Variants in ADARB2 observed in about 807,000 individuals in gnomAD.
ADARB2 encodes adenosine deaminase RNA specific B2 (inactive).
Under a neutral mutation model 62.2 loss-of-function variants are expected in ADARB2, and 25 were observed. That is an observed-to-expected ratio of 0.40 (90% confidence interval 0.29 to 0.56). The LOEUF (loss-of-function observed/expected upper bound fraction) is 0.56. Among genes scored for constraint, ADARB2 ranks in the 20% least tolerant of loss-of-function variants. ADARB2 has a pLI of 0.43. For synonymous variants in ADARB2, 572 were observed against 500.8 expected (o/e 1.14, Z -1.90); for missense variants, 1,071 against 1,077.4 (o/e 0.99, Z 0.08).
At chr10:1,258,402 T>C (rs1435780271) in intron 4 of ADARB2, among the ~76,000 whole-genome samples, 4 of 152,118 alleles carry the variant, frequency 2.6e-5, no homozygotes, top group Non-Finnish European at 4.4e-5. Flanking sequence ...GTGTGCTGTA[T>C]TCAGGAAACC....
At chr10:1,568,252 G>A (rs75920236) in intron 1 of ADARB2, among the ~76,000 whole-genome samples, 1,694 of 152,258 alleles carry the variant, frequency 0.011, 46 homozygotes, top group African/African-American at 0.038. Context: ...GTCCTATATT[G>A]GTCTAGATGG....
At chr10:1,416,157 G>T (rs1832799402) in intron 1 of ADARB2, among the ~76,000 whole-genome samples, 1 of 152,202 alleles carries the variant, frequency 6.6e-6, no homozygotes, top group Non-Finnish European at 1.5e-5. Flanking sequence ...AGATGGACTG[G>T]TCTGTGAATC....
At chr10:1,518,056 A>G (rs780321542) in intron 1 of ADARB2, among the ~76,000 whole-genome samples, 1 of 152,216 alleles carries the variant, frequency 6.6e-6, no homozygotes, top group Non-Finnish European at 1.5e-5. Flanking sequence ...GAATTTAAGC[A>G]TAGAAAGACA....
intron 7 of ADARB2, among the ~76,000 whole-genome samples, chr10:1,208,252 G>A (rs564587599): frequency 1.2e-4 from 19 of 152,346 alleles, no homozygotes; most frequent in Admixed American, 1.1e-3. Flanking sequence ...AGCCTCCTAG[G>A]GCTGCTGTGG....
chr10:1,407,031 G>A (rs974555265), intron 1 of ADARB2, among the ~76,000 whole-genome samples: 1 of 152,224 alleles, frequency 6.6e-6, no homozygotes, highest in African/African-American at 2.4e-5. Context: ...TGGCTGTGCG[G>A]CTGCATAAAG....
chr10:1,595,306 T>C (rs1287372748), intron 1 of ADARB2, among the ~76,000 whole-genome samples: 1 of 152,170 alleles, frequency 6.6e-6, no homozygotes, highest in Non-Finnish European at 1.5e-5. Flanking sequence ...AATTCCTGTG[T>C]TGAGAAGAGA....
chr10:1,216,881 A>G, intron 7 of ADARB2, 70 bp downstream of exon 7: 1 of 1,559,632 alleles, frequency 6.4e-7, no homozygotes, highest in Non-Finnish European at 8.6e-7. Flanking sequence ...AGTGGGATGC[A>G]GGGAGCCTGG....
At chr10:1,396,098 G>A (rs769593325) in intron 1 of ADARB2, among the ~76,000 whole-genome samples, 6 of 152,216 alleles carry the variant, frequency 3.9e-5, no homozygotes, top group Admixed American at 2.0e-4. Context: ...AGCAATGATC[G>A]CGTAAGTAAT....
chr10:1,509,470 T>C (rs554229335), intron 1 of ADARB2, among the ~76,000 whole-genome samples: 1 of 152,304 alleles, frequency 6.6e-6, no homozygotes, highest in South Asian at 2.1e-4. Context: ...ATATTGGAAA[T>C]GATATTCACC....
intron 1 of ADARB2, among the ~76,000 whole-genome samples, chr10:1,464,378 G>GCA (rs1831220870): frequency 1.4e-5 from 2 of 142,486 alleles, no homozygotes; most frequent in Admixed American, 7.2e-5. Context: ...CGGGCAGCGT[G>GCA]CTGGAGAAGA....
chr10:1,328,124 G>A (rs367801187), intron 3 of ADARB2, among the ~76,000 whole-genome samples: 1 of 152,290 alleles, frequency 6.6e-6, no homozygotes, highest in Non-Finnish European at 1.5e-5. Flanking sequence ...CTCAGCAGGC[G>A]TGGAGAGGCA....
intron 3 of ADARB2, among the ~76,000 whole-genome samples, chr10:1,321,409 G>C (rs977484769): frequency 9.2e-5 from 14 of 152,044 alleles, no homozygotes; most frequent in Non-Finnish European, 1.8e-4. Context: ...TAGAGACAGG[G>C]TCTTCCTGTC....
intron 6 of ADARB2, among the ~76,000 whole-genome samples, chr10:1,227,812 C>T (rs1435747249): frequency 6.6e-6 from 1 of 152,208 alleles, no homozygotes; most frequent in Non-Finnish European, 1.5e-5. Flanking sequence ...GATTTTCAAA[C>T]TGTCTTCAAA....
At chr10:1,382,745 T>C (rs1485009671) in intron 1 of ADARB2, among the ~76,000 whole-genome samples, 1 of 146,494 alleles carries the variant, frequency 6.8e-6, no homozygotes, top group Non-Finnish European at 1.5e-5. Context: ...ACCTTCGGAG[T>C]GTGCCAGGAG....
At chr10:1,454,835 A>G (rs974699919) in intron 1 of ADARB2, among the ~76,000 whole-genome samples, 1 of 152,188 alleles carries the variant, frequency 6.6e-6, no homozygotes, top group African/African-American at 2.4e-5. Context: ...TGTTATGTAT[A>G]TTTTACCATA....
chr10:1,736,774 G>A (rs1191922514), intron 1 of ADARB2, among the ~76,000 whole-genome samples: 1 of 152,332 alleles, frequency 6.6e-6, no homozygotes, highest in East Asian at 1.9e-4. Flanking sequence ...GAGACGCGCG[G>A]GGTCCCCGGG....
chr10:1,671,859 C>G (rs1274111487), intron 1 of ADARB2, among the ~76,000 whole-genome samples: 1 of 152,090 alleles, frequency 6.6e-6, no homozygotes, highest in Non-Finnish European at 1.5e-5. Flanking sequence ...GGAGACGTCG[C>G]TGCTTCCCTT....
At chr10:1,553,675 C>T (rs1280938272) in intron 1 of ADARB2, among the ~76,000 whole-genome samples, 1 of 152,202 alleles carries the variant, frequency 6.6e-6, no homozygotes, top group Non-Finnish European at 1.5e-5. Context: ...AACCACAGTC[C>T]TTTCTACCCA....
rs1834858076 is a variant in ADARB2, at chr10:1,704,097, G to A, written c.100+32954C>T. On this transcript the variant is annotated intron_variant, in intron 1 of 9. Transcript: ENST00000381312. The surrounding 1 kb of genome is among the most constrained non-coding windows in gnomAD (Gnocchi z 5.6). ...CTTCCTGTGGGTCAGGAATCCAGGA[G>A]CAGCCTCACTCTTGCTGTAAGACAG... Among the ~76,000 whole-genome samples, 4 of 152,176 alleles carry A rather than the reference G, an allele frequency of 2.6e-5. No homozygotes were observed. The South Asian group carries it at 8.3e-4, about 32-fold the overall frequency.
Sources: allele counts gnomAD v4.1 joint callset (sites outside exome capture counted in the v4.1 genomes callset), GRCh38; gene constraint gnomAD v4.1.1; non-coding constraint Gnocchi (gnomAD v3.1); transcripts MANE v1.5; gene names NCBI Gene and HGNC (gene_info 2026-07-23, HGNC 2026-07-21).